The following SPRED1 variants were observed in gnomAD, a reference collection of about 807,000 sequenced individuals.
The protein encoded by SPRED1 is sprouty-related, EVH1 domain-containing protein 1.
In SPRED1, 18 loss-of-function variants were observed where a neutral mutation model predicts 52.3. The observed-to-expected ratio is 0.34, with a 90% CI of 0.24 to 0.51. The LOEUF (loss-of-function observed/expected upper bound fraction) is 0.51, where lower values mean the gene tolerates loss of function less well. Among genes scored for constraint, SPRED1 ranks in the 20% least tolerant of loss-of-function variants. The pLI is 0.97. For missense variants in SPRED1, 485 were observed against 551.0 expected (o/e 0.88, Z 1.20); for synonymous variants, 155 against 179.7 (o/e 0.86, Z 1.10).
chr15:38,260,750 T>G (rs1894188845), intron 1 of SPRED1, among the ~76,000 whole-genome samples: 1 of 152,140 alleles, frequency 6.6e-6, no homozygotes, highest in Admixed American at 6.5e-5. Flanking sequence ...AATATTGTTC[T>G]GAGAAAGGGG....
intron 1 of SPRED1, among the ~76,000 whole-genome samples, chr15:38,261,550 A>C (rs1894205644): frequency 6.6e-6 from 1 of 152,088 alleles, no homozygotes; most frequent in Non-Finnish European, 1.5e-5. Flanking sequence ...CAGGAGTTAT[A>C]ATTTGTTTTT....
chr15:38,262,353 C>T (rs548011464), intron 1 of SPRED1, among the ~76,000 whole-genome samples: 2 of 152,252 alleles, frequency 1.3e-5, no homozygotes, highest in East Asian at 3.9e-4. Context: ...TAAAGTTCTT[C>T]AAGGCTCAAG....
chr15:38,331,105 G>A (rs1895796900), intron 4 of SPRED1, among the ~76,000 whole-genome samples: 1 of 151,980 alleles, frequency 6.6e-6, no homozygotes, highest in African/African-American at 2.4e-5. Flanking sequence ...AAAAAGCTAG[G>A]CACTTATCAA....
chr15:38,264,684 A>T (rs1894270528), intron 1 of SPRED1, among the ~76,000 whole-genome samples: 2 of 152,182 alleles, frequency 1.3e-5, no homozygotes, highest in South Asian at 4.1e-4. Flanking sequence ...GGGTTGAGTG[A>T]CTTAGAGTGC....
At chr15:38,320,296 G>A (rs899311991) in intron 2 of SPRED1, among the ~76,000 whole-genome samples, 3 of 152,148 alleles carry the variant, frequency 2.0e-5, no homozygotes, top group Non-Finnish European at 4.4e-5. Flanking sequence ...CTTGGGAAGT[G>A]CATAAAGCCT....
At chr15:38,324,467 T>C (rs901069030) in intron 3 of SPRED1, among the ~76,000 whole-genome samples, 2 of 152,186 alleles carry the variant, frequency 1.3e-5, no homozygotes, top group Non-Finnish European at 2.9e-5. Context: ...TGCCTAGTAA[T>C]TTTGAGTATT....
chr15:38,309,553 A>G (rs1412913138), intron 2 of SPRED1, among the ~76,000 whole-genome samples: 1 of 152,144 alleles, frequency 6.6e-6, no homozygotes, highest in Non-Finnish European at 1.5e-5. Context: ...TTGTCTTTTC[A>G]TCTTCTGAAC....
chr15:38,262,994 G>C (rs1894233647), intron 1 of SPRED1, among the ~76,000 whole-genome samples: 1 of 152,138 alleles, frequency 6.6e-6, no homozygotes, highest in Non-Finnish European at 1.5e-5. Flanking sequence ...GGGCTTCTTA[G>C]GACAGTTGAC....
intron 4 of SPRED1, among the ~76,000 whole-genome samples, chr15:38,336,877 A>G (rs1895935425): frequency 6.6e-6 from 1 of 152,078 alleles, no homozygotes; most frequent in Non-Finnish European, 1.5e-5. Context: ...CTCAGAAATC[A>G]CCACTAAAGA....
At chr15:38,295,946 C>T (rs11857961) in intron 1 of SPRED1, among the ~76,000 whole-genome samples, 125,544 of 152,032 alleles carry the variant, frequency 0.83, 52,590 homozygotes, top group Non-Finnish European at 0.9. Flanking sequence ...AAGGAAGAGT[C>T]GGGAACTTTT....
chr15:38,300,094 A>C lies in SPRED1; in HGVS notation c.207+547A>C, dbSNP rs556456176. On this transcript the variant is annotated intron_variant, in intron 2 of 6. Coordinates refer to ENST00000299084, the MANE Select transcript of SPRED1 (RefSeq NM_152594.3). ...CCTTATTTTCTAGTCTCATAAGACT[A>C]TCTGGTGGCCAGCCTAATTTTTAAC... Among the ~76,000 whole-genome samples the C allele has an allele frequency of 5.3e-5, 8 of 152,186 alleles. No homozygotes were observed. In the South Asian group the frequency reaches 1.2e-3, roughly 24 times the overall value.
At chr15:38,316,074 G>A (rs1895473488) in intron 2 of SPRED1, among the ~76,000 whole-genome samples, 1 of 151,908 alleles carries the variant, frequency 6.6e-6, no homozygotes, top group African/African-American at 2.4e-5. Context: ...AATGTGTCAT[G>A]TTCCTGGCCT....
intron 4 of SPRED1, among the ~76,000 whole-genome samples, chr15:38,330,112 A>G (rs1433411236): frequency 1.3e-5 from 2 of 152,154 alleles, no homozygotes; most frequent in Non-Finnish European, 2.9e-5. Flanking sequence ...TCAAAAGTAG[A>G]TCTACAGACA....
At chr15:38,291,378 C>A (rs1231740131) in intron 1 of SPRED1, among the ~76,000 whole-genome samples, 1 of 152,188 alleles carries the variant, frequency 6.6e-6, no homozygotes, top group Non-Finnish European at 1.5e-5. Flanking sequence ...TGGAAGCTGT[C>A]AGTGAATCTA....
rs573382521 is a variant in SPRED1, at chr15:38,291,661, T to G, written c.33-7712T>G. 3.9e-5 allele frequency among the ~76,000 whole-genome samples: 6 copies of G among 152,354 alleles called. No individual in the cohort carries two copies. In the South Asian group the frequency reaches 8.3e-4, roughly 21 times the overall value. ...ACACCATGTAGAAGCTGCCAAGGCT[T>G]GGGACTTCCACCCTCTGAAGCAACA... On this transcript the variant is annotated intron_variant, in intron 1 of 6. Coordinates refer to ENST00000299084, the MANE Select transcript of SPRED1 (RefSeq NM_152594.3).
At chr15:38,263,340 T>C (rs746432101) in intron 1 of SPRED1, among the ~76,000 whole-genome samples, 10 of 152,290 alleles carry the variant, frequency 6.6e-5, no homozygotes, top group Admixed American at 1.3e-4. Flanking sequence ...GCTTTAACTA[T>C]AGGTTGAGTT....
At chr15:38,283,043 G>A (rs1894724633) in intron 1 of SPRED1, among the ~76,000 whole-genome samples, 1 of 152,154 alleles carries the variant, frequency 6.6e-6, no homozygotes, top group African/African-American at 2.4e-5. Context: ...CTGCTATAAA[G>A]AATACTACTT....
intron 2 of SPRED1, among the ~76,000 whole-genome samples, chr15:38,301,638 A>G (rs1172350980): frequency 6.6e-6 from 1 of 152,186 alleles, no homozygotes; most frequent in Non-Finnish European, 1.5e-5. Flanking sequence ...GTGAAATCTC[A>G]AGACAAATGA....
intron 1 of SPRED1, 106 bp from the exon 2 acceptor site, chr15:38,299,267 C>A: frequency 8.1e-7 from 1 of 1,227,148 alleles, no homozygotes; most frequent in Non-Finnish European, 1.2e-6. Flanking sequence ...ACACCTTAGT[C>A]ACCACATGTT....
Sources: allele counts gnomAD v4.1 joint callset (sites outside exome capture counted in the v4.1 genomes callset), GRCh38; gene constraint gnomAD v4.1.1; transcripts MANE v1.5; gene names NCBI Gene and HGNC (gene_info 2026-07-23, HGNC 2026-07-21).